Variants in SRGAP1 observed in about 807,000 individuals in gnomAD.
SRGAP1 encodes the protein SLIT-ROBO Rho GTPase activating protein 1, also known as SLIT-ROBO Rho GTPase-activating protein 1.
Under a neutral mutation model 121.9 loss-of-function variants are expected in SRGAP1, and 43 were observed. The observed-to-expected ratio is 0.35, with a 90% confidence interval of 0.28 to 0.46. The LOEUF (loss-of-function observed/expected upper bound fraction) is 0.46. Ranked by LOEUF, SRGAP1 falls within the 20% of genes least tolerant of loss-of-function variation. The pLI, the probability that SRGAP1 is intolerant of heterozygous loss-of-function variation, is 1.00. For synonymous variants in SRGAP1, 447 were observed against 485.4 expected, an observed-to-expected ratio of 0.92 and a Z score of 1.04; for missense variants, 1,102 against 1,350.9, an observed-to-expected ratio of 0.82 and a Z score of 2.89.
intron 10 of SRGAP1, among the ~76,000 whole-genome samples, chr12:64,085,994 TA>T (rs2035930347): frequency 6.6e-6 from 1 of 152,232 alleles, no homozygotes; most frequent in Admixed American, 6.5e-5. Flanking sequence ...GAGGAGATAA[TA>T]GAGTCAAAGG....
At chr12:63,911,536 G>T (rs996575574) in intron 1 of SRGAP1, among the ~76,000 whole-genome samples, 1 of 152,260 alleles carries the variant, frequency 6.6e-6, no homozygotes, top group East Asian at 1.9e-4. Context: ...TTTGGCTACT[G>T]CAGCACTACA....
chr12:64,136,714 A>G (rs962897876), intron 21 of SRGAP1, among the ~76,000 whole-genome samples: 2 of 152,236 alleles, frequency 1.3e-5, no homozygotes, highest in African/African-American at 4.8e-5. Context: ...AGCAAAAATC[A>G]AAAAGGCTTT....
At chr12:64,056,605 T>C (rs946401338) in intron 6 of SRGAP1, among the ~76,000 whole-genome samples, 16 of 150,666 alleles carry the variant, frequency 1.1e-4, no homozygotes, top group Non-Finnish European at 3.0e-5. Context: ...GATATATCAA[T>C]TCCTATTTCC....
In SRGAP1 at chr12:64,102,644, G is replaced by T. The variant is rs571694483; in HGVS notation, c.1813+5269G>T. On this transcript the variant is annotated intron_variant, in intron 15 of 21. Coordinates refer to ENST00000355086, the MANE Select transcript of SRGAP1 (RefSeq NM_020762.4). ...CTCTATAGATTTGCCTGTTCTGGCC[G>T]TTTCATATGAATAGAATTATACAGT... Among the ~76,000 whole-genome samples the T allele has an allele frequency of 3.9e-5, 6 of 152,246 alleles. No homozygotes were observed. The East Asian group carries it at 9.6e-4, about 24-fold the overall frequency.
intron 1 of SRGAP1, among the ~76,000 whole-genome samples, chr12:63,911,654 AGTT>A (rs1193472572): frequency 6.6e-6 from 1 of 152,228 alleles, no homozygotes; most frequent in Non-Finnish European, 1.5e-5. Context: ...TGTAGTTCCC[AGTT>A]GTTGTCAAAT....
chr12:64,133,180 G>C (rs2036811516), intron 21 of SRGAP1, among the ~76,000 whole-genome samples: 1 of 152,208 alleles, frequency 6.6e-6, no homozygotes, highest in Admixed American at 6.5e-5. Context: ...AATCTCTACA[G>C]TCCCTCCAGG....
intron 21 of SRGAP1, among the ~76,000 whole-genome samples, chr12:64,141,282 A>AG (rs2136653839): frequency 8.5e-6 from 1 of 117,766 alleles, no homozygotes; most frequent in African/African-American, 3.6e-5. Context: ...TAAAAAAAAA[A>AG]AAAAAAAAGA....
chr12:63,883,087 C>T (rs1024991763), intron 1 of SRGAP1, among the ~76,000 whole-genome samples: 9 of 152,250 alleles, frequency 5.9e-5, no homozygotes, highest in African/African-American at 1.9e-4. Context: ...GCAGGCCCAC[C>T]TGCCAGCCCC....
intron 1 of SRGAP1, among the ~76,000 whole-genome samples, chr12:63,884,846 AGTAGCT>A (rs764589059): frequency 2.7e-5 from 4 of 150,396 alleles, no homozygotes; most frequent in Non-Finnish European, 4.4e-5. Flanking sequence ...CAGCCTCCGG[AGTAGCT>A]GGGACTACAG....
intron 1 of SRGAP1, among the ~76,000 whole-genome samples, chr12:63,897,023 G>A (rs1000524016): frequency 4.6e-5 from 7 of 152,170 alleles, no homozygotes; most frequent in African/African-American, 1.7e-4. Flanking sequence ...AGGGAGATGA[G>A]TGTCAGTATT....
chr12:63,881,693 AG>A (rs1900199993), intron 1 of SRGAP1, among the ~76,000 whole-genome samples: 1 of 152,234 alleles, frequency 6.6e-6, no homozygotes, highest in Non-Finnish European at 1.5e-5. Flanking sequence ...GTAGATTGTC[AG>A]TGTCCAACAC....
intron 1 of SRGAP1, among the ~76,000 whole-genome samples, chr12:63,950,343 C>A (rs2032246258): frequency 6.6e-6 from 1 of 152,176 alleles, no homozygotes; most frequent in Admixed American, 6.5e-5. Context: ...GAGATTTATT[C>A]TTTGCTAAGT....
intron 8 of SRGAP1, among the ~76,000 whole-genome samples, chr12:64,068,851 A>C (rs914453189): frequency 5.3e-5 from 8 of 151,708 alleles, no homozygotes; most frequent in Admixed American, 2.0e-4. Flanking sequence ...CTCTACTAAA[A>C]ATATAAAAAT....
At chr12:63,990,260 G>A (rs376077726) in intron 3 of SRGAP1, among the ~76,000 whole-genome samples, 188 bp downstream of exon 3, 8 of 152,348 alleles carry the variant, frequency 5.3e-5, no homozygotes, top group Admixed American at 1.3e-4. Flanking sequence ...TAGGCCGGGC[G>A]TGGTAGCTCA....
At chr12:64,115,767 T>C (rs745861901) in intron 17 of SRGAP1, 47 bp from the exon 18 acceptor site, 1 of 1,537,128 alleles carries the variant, frequency 6.5e-7, no homozygotes, top group Non-Finnish European at 8.9e-7. Flanking sequence ...TCTCAAAAAA[T>C]TTTTGTCTAT....
chr12:63,906,118 C>G (rs2030195938), intron 1 of SRGAP1, among the ~76,000 whole-genome samples: 1 of 152,150 alleles, frequency 6.6e-6, no homozygotes, highest in South Asian at 2.1e-4. Context: ...TCTAGACATT[C>G]ATATAAATGG....
chr12:64,071,918 C>T (rs191687800), intron 8 of SRGAP1, among the ~76,000 whole-genome samples: 46 of 150,966 alleles, frequency 3.0e-4, no homozygotes, highest in African/African-American at 9.0e-4. Flanking sequence ...TTGTTTTTTT[C>T]AAATCTGGTA....
chr12:64,144,706 C>T lies in SRGAP1; in HGVS notation c.*2034C>T, dbSNP rs1442614351. On this transcript the variant is annotated 3_prime_UTR_variant, in exon 22 of 22. Coordinates refer to ENST00000355086, the MANE Select transcript of SRGAP1 (RefSeq NM_020762.4). ...CTAGCCCCTCCCCATTTCTCCTGAG[C>T]TTTTGGGGTCCTTCAGCACCCTTGG... 1 of 152,120 alleles carries T rather than the reference C, an allele frequency of 6.6e-6. No homozygotes were observed. The highest frequency in any genetic ancestry group is 2.4e-5 in the African/African-American group (1 of 41,378). The allele number at this position is 152,120 out of a possible 1,614,324, so 9.4% of individuals were successfully genotyped here.
In SRGAP1 at chr12:64,065,165, C is replaced by T. The variant is rs765173924; in HGVS notation, c.1071C>T (p.Leu357=). The T allele has an allele frequency of 5.0e-6, 8 of 1,613,700 alleles. No individual in the cohort carries two copies. In the South Asian group the frequency reaches 5.5e-5, roughly 11 times the overall value. The change falls in exon 8 of 22, where the codon CTC becomes CTT. Residue 357 remains leucine, a synonymous_variant. Transcript: ENST00000355086. ...AGCCAGTCCAGGCAGAGCTCATGCT[C>T]AGGTACCAACAGTTGCAGTCCCGCC... The part of the protein sequence containing the change: ...AQQPVQAELM[L]RYQQLQSRLA...
Sources: allele counts gnomAD v4.1 joint callset (sites outside exome capture counted in the v4.1 genomes callset), GRCh38; gene constraint gnomAD v4.1.1; transcripts MANE v1.5; gene names NCBI Gene and HGNC (gene_info 2026-07-23, HGNC 2026-07-21).